The following PCSK6 variants were observed in gnomAD, a reference collection of about 807,000 sequenced individuals.
The protein encoded by PCSK6 is paired basic amino acid cleaving enzyme 4.
In PCSK6, 85 loss-of-function variants were observed where a neutral mutation model predicts 123.3. The ratio of observed to expected loss-of-function variants is 0.69; its 90% CI spans 0.58 to 0.83. PCSK6 has a LOEUF of 0.83. PCSK6 is among the 40% of genes least tolerant of loss of function. The pLI, the probability that PCSK6 is intolerant of heterozygous loss-of-function variation, is 0.00. For missense variants in PCSK6, 1,191 were observed against 1,282.3 expected, an observed-to-expected ratio of 0.93 and a Z score of 1.09; for synonymous variants, 508 against 516.0, an observed-to-expected ratio of 0.98 and a Z score of 0.21.
intron 13 of PCSK6, among the ~76,000 whole-genome samples, chr15:101,364,286 C>G (rs551815242): frequency 1.4e-4 from 22 of 152,208 alleles, no homozygotes; most frequent in African/African-American, 4.1e-4. Flanking sequence ...AAGCAAGATC[C>G]CAGCACATTC....
chr15:101,402,873 G>A (rs955525324), intron 6 of PCSK6, among the ~76,000 whole-genome samples: 40 of 152,188 alleles, frequency 2.6e-4, no homozygotes, highest in Admixed American at 9.8e-4. Context: ...CGATTCCTCA[G>A]GGATCTAGAA....
At chr15:101,391,716 G>T (rs377431346) in intron 8 of PCSK6, among the ~76,000 whole-genome samples, 2 of 152,140 alleles carry the variant, frequency 1.3e-5, no homozygotes. Flanking sequence ...GTGATATGTC[G>T]ACTATCCTGA....
intron 21 of PCSK6, among the ~76,000 whole-genome samples, chr15:101,306,447 T>C (rs1014154394): frequency 6.6e-6 from 1 of 151,906 alleles, no homozygotes; most frequent in Non-Finnish European, 1.5e-5. Context: ...GCCAGCTTCA[T>C]ACCCAAGGAC....
chr15:101,306,223 G>A (rs986410571), intron 21 of PCSK6, among the ~76,000 whole-genome samples: 1 of 152,126 alleles, frequency 6.6e-6, no homozygotes, highest in African/African-American at 2.4e-5. Context: ...TGCATCATCC[G>A]TGGACCTGGG....
At chr15:101,385,419 T>C (rs1212847141) in intron 9 of PCSK6, among the ~76,000 whole-genome samples, 4 of 152,208 alleles carry the variant, frequency 2.6e-5, no homozygotes, top group Admixed American at 2.6e-4. Context: ...ACGGGTTACA[T>C]TGCCTGGAGG....
intron 13 of PCSK6, among the ~76,000 whole-genome samples, chr15:101,332,889 T>G (rs1360120193): frequency 6.6e-6 from 1 of 152,182 alleles, no homozygotes; most frequent in Non-Finnish European, 1.5e-5. Flanking sequence ...TTCCTGATGT[T>G]ATAAAACACA....
Position 101,407,428 on chromosome 15 carries a change from C to A in PCSK6, c.824-8852G>T, listed in dbSNP as rs114966590. Among the ~76,000 whole-genome samples, 6 of 152,198 alleles carry A rather than the reference C, an allele frequency of 3.9e-5. No individual in the cohort carries two copies. In the South Asian group the frequency reaches 1.2e-3, roughly 32 times the overall value. The stretch of plus-strand genomic sequence containing the variant: ...ACCCTGGGGAGACTGTTCCTTCAGG[C>A]GCTACCCAGGGTCTCGGGATAGTAA... On this transcript the variant is annotated intron_variant, in intron 6 of 21. Transcript: ENST00000611716.
intron 1 of PCSK6, among the ~76,000 whole-genome samples, chr15:101,453,687 G>A (rs1198780222): frequency 1.3e-5 from 2 of 152,218 alleles, no homozygotes; most frequent in East Asian, 3.8e-4. Flanking sequence ...CCTGTCGCCT[G>A]GAAAGTGGGG....
At chr15:101,445,301 G>C (rs1037270369) in intron 1 of PCSK6, among the ~76,000 whole-genome samples, 1 of 152,100 alleles carries the variant, frequency 6.6e-6, no homozygotes, top group African/African-American at 2.4e-5. Flanking sequence ...CCCTCTGGGT[G>C]ACCTGGGCTT....
At chr15:101,344,126 GCA>G (rs766150696) in intron 13 of PCSK6, among the ~76,000 whole-genome samples, 1 of 151,964 alleles carries the variant, frequency 6.6e-6, no homozygotes, top group Non-Finnish European at 1.5e-5. Flanking sequence ...CTGTTGTTTG[GCA>G]CAGTGTTCCA....
intron 12 of PCSK6, among the ~76,000 whole-genome samples, chr15:101,368,143 C>T (rs750600714): frequency 3.9e-5 from 6 of 152,190 alleles, no homozygotes; most frequent in East Asian, 1.9e-4. Flanking sequence ...TGCCTGATGG[C>T]GCAAGGACAG....
intron 13 of PCSK6, among the ~76,000 whole-genome samples, chr15:101,334,816 G>A (rs1198137242): frequency 6.6e-6 from 1 of 152,238 alleles, no homozygotes; most frequent in African/African-American, 2.4e-5. Flanking sequence ...GGTCAGTGGT[G>A]TGCACTGTGT....
chr15:101,479,265 G>A (rs954005377), intron 1 of PCSK6, among the ~76,000 whole-genome samples: 6 of 152,240 alleles, frequency 3.9e-5, no homozygotes, highest in African/African-American at 4.8e-5. Flanking sequence ...AGGTTAAAAC[G>A]ACAGCAACAG....
At position 101,489,627 on chromosome 15, in the gene PCSK6, G is replaced by A; in HGVS notation, c.44C>T (p.Pro15Leu). The change falls in exon 1 of 22, where the codon CCC (proline) becomes CTC (leucine). Residue 15 changes from proline (P) to leucine (L), a missense_variant. Physicochemically the swap from Pro to Leu is moderately conservative, Grantham distance 98. This residue lies in a region of PCSK6 where 204 missense variants were observed against 166.4 expected (regional missense o/e 1.23). Coordinates refer to ENST00000611716, the MANE Select transcript of PCSK6 (RefSeq NM_002570.5). ...GGTGTCGGTGGCGGCGGCGGCCCGG[G>A]GCGGCGGCCGGGGCCCGGGCGCAGG... is the stretch of plus-strand genomic sequence containing the variant. ...APPAPGPRPP[P>L]RAAAATDTAA... is the part of the protein sequence containing the mutation. 1 of 976,970 alleles carries A rather than the reference G, an allele frequency of 1.0e-6. No homozygotes were observed. The highest frequency in any genetic ancestry group is 1.2e-6 in the Non-Finnish European group (1 of 826,240). 60.5% of individuals were successfully genotyped at this position (976,970 alleles called of 1,614,324 possible).
chr15:101,316,910 GT>G lies in PCSK6; in HGVS notation c.2569+1408del, dbSNP rs57613156. ...ACTGGTTTAGCAGAGACTTAATTCT[GT>G]TTTTTTTTTTTTTTTTTTGACAGAG... is the stretch of plus-strand genomic sequence containing the variant. On this transcript the variant is annotated intron_variant, in intron 19 of 21. Transcript: ENST00000611716. 9.2e-3 allele frequency among the ~76,000 whole-genome samples: 1,062 copies of G among 114,930 alleles called. 7 individuals carry two copies. Among genetic ancestry groups the G allele is most frequent in the Middle Eastern group, 0.016 (3 of 190 alleles). 75.4% of individuals were successfully genotyped at this position (114,930 alleles called of 152,430 possible).
chr15:101,433,649 GGCTGGCGACCCAGGGTCGT>G (rs2056513602), intron 2 of PCSK6, among the ~76,000 whole-genome samples: 1 of 152,256 alleles, frequency 6.6e-6, no homozygotes, highest in South Asian at 2.1e-4. Context: ...GGTGACCCAA[GGCTGGCGACCCAGGGTCGT>G]GCTGGAAGCT....
intron 1 of PCSK6, among the ~76,000 whole-genome samples, chr15:101,451,440 C>T (rs1263210192): frequency 6.6e-6 from 1 of 152,184 alleles, no homozygotes; most frequent in African/African-American, 2.4e-5. Flanking sequence ...CCCACCCCAC[C>T]TCCCCAGGCC....
intron 13 of PCSK6, among the ~76,000 whole-genome samples, chr15:101,359,316 C>T (rs1173410452): frequency 6.6e-6 from 1 of 152,228 alleles, no homozygotes; most frequent in Non-Finnish European, 1.5e-5. Context: ...CCGTCTCAAC[C>T]TTCTGAAAGC....
chr15:101,347,205 T>C, intron 13 of PCSK6: 1 of 1,231,792 alleles, frequency 8.1e-7, no homozygotes, highest in Non-Finnish European at 1.0e-6. Context: ...TCTTCCTTTC[T>C]AGCATCAAGC....
Sources: allele counts gnomAD v4.1 joint callset (sites outside exome capture counted in the v4.1 genomes callset), GRCh38; gene constraint gnomAD v4.1.1; regional missense constraint gnomAD v4.1.1; transcripts MANE v1.5; gene names NCBI Gene and HGNC (gene_info 2026-07-23, HGNC 2026-07-21).